The following RHOJ variants were observed in gnomAD, a reference collection of about 807,000 sequenced individuals.
RHOJ encodes ras homolog family member J, also known as rho-related GTP-binding protein RhoJ.
RHOJ carries 11 observed loss-of-function variants against 23.4 expected under a neutral mutation model. The ratio of observed to expected loss-of-function variants is 0.47; its 90% CI spans 0.30 to 0.78. The LOEUF (loss-of-function observed/expected upper bound fraction) is 0.78. Ranked by LOEUF, RHOJ falls within the 30% of genes least tolerant of loss-of-function variation. RHOJ has a pLI of 0.08. For synonymous variants in RHOJ, 102 were observed against 102.7 expected (o/e 0.99, Z 0.04); for missense variants, 254 against 273.4 (o/e 0.93, Z 0.50).
intron 1 of RHOJ, among the ~76,000 whole-genome samples, chr14:63,232,176 A>G (rs1894707902): frequency 6.6e-6 from 1 of 152,208 alleles, no homozygotes; most frequent in Non-Finnish European, 1.5e-5. Context: ...AATCATTTTC[A>G]ACTAGAGAAT....
intron 1 of RHOJ, among the ~76,000 whole-genome samples, chr14:63,232,786 T>A (rs1294941735): frequency 6.9e-6 from 1 of 145,096 alleles, no homozygotes; most frequent in Non-Finnish European, 1.5e-5. Flanking sequence ...AACCTCCATC[T>A]CCCAGGCTCA....
chr14:63,287,122 T>G (rs1882107691), intron 4 of RHOJ, among the ~76,000 whole-genome samples: 2 of 152,254 alleles, frequency 1.3e-5, no homozygotes, highest in African/African-American at 4.8e-5. Flanking sequence ...TCTTCTTCCC[T>G]TCTCTCATCA....
At chr14:63,248,409 G>C (rs1895013316) in intron 1 of RHOJ, among the ~76,000 whole-genome samples, 1 of 152,000 alleles carries the variant, frequency 6.6e-6, no homozygotes, top group Non-Finnish European at 1.5e-5. Flanking sequence ...AAAAGAATTT[G>C]CTCCCTCCCA....
intron 2 of RHOJ, among the ~76,000 whole-genome samples, chr14:63,273,831 G>A (rs1222609705): frequency 6.6e-6 from 1 of 152,200 alleles, no homozygotes; most frequent in African/African-American, 2.4e-5. Context: ...CCGTCTCCTG[G>A]TGTCAGGAGC....
chr14:63,229,408 G>C (rs1272770767), intron 1 of RHOJ, among the ~76,000 whole-genome samples: 2 of 152,296 alleles, frequency 1.3e-5, no homozygotes, highest in South Asian at 4.1e-4. Flanking sequence ...CTCTGCTTAA[G>C]GTATCATAAG....
At chr14:63,255,757 G>A (rs1895152686) in intron 1 of RHOJ, among the ~76,000 whole-genome samples, 2 of 152,168 alleles carry the variant, frequency 1.3e-5, no homozygotes, top group South Asian at 4.1e-4. Flanking sequence ...CTTAAGAAGA[G>A]GCTCTGGCCT....
At chr14:63,270,912 A>G (rs1342734740) in intron 2 of RHOJ, among the ~76,000 whole-genome samples, 1 of 152,230 alleles carries the variant, frequency 6.6e-6, no homozygotes, top group Non-Finnish European at 1.5e-5. Flanking sequence ...AACTGCCCCA[A>G]GAAAAACCTC....
intron 1 of RHOJ, among the ~76,000 whole-genome samples, chr14:63,207,181 G>A (rs143175445): frequency 2.0e-5 from 3 of 151,966 alleles, no homozygotes; most frequent in South Asian, 2.1e-4. Context: ...ACAGGCGCAC[G>A]CAACCATGCC....
intron 1 of RHOJ, among the ~76,000 whole-genome samples, chr14:63,206,972 T>C (rs1894124130): frequency 6.6e-6 from 1 of 152,054 alleles, no homozygotes; most frequent in African/African-American, 2.4e-5. Flanking sequence ...AAAAAGAGGA[T>C]GGAGACATGA....
At chr14:63,247,233 G>C (rs1283998634) in intron 1 of RHOJ, among the ~76,000 whole-genome samples, 2 of 152,132 alleles carry the variant, frequency 1.3e-5, no homozygotes, top group African/African-American at 2.4e-5. Flanking sequence ...GTAGTATGTG[G>C]GCTCTTTTGA....
intron 1 of RHOJ, among the ~76,000 whole-genome samples, chr14:63,217,903 G>A (rs1052870829): frequency 2.0e-5 from 3 of 152,122 alleles, no homozygotes; most frequent in South Asian, 2.1e-4. Context: ...ATATCTTGTC[G>A]ACACGATTAC....
intron 4 of RHOJ, among the ~76,000 whole-genome samples, chr14:63,285,380 T>G (rs1039846207): frequency 3.9e-5 from 6 of 152,220 alleles, no homozygotes; most frequent in Non-Finnish European, 7.3e-5. Flanking sequence ...CTTTTTTATA[T>G]ACTGGAGTCC....
chr14:63,250,111 T>C (rs1013830329), intron 1 of RHOJ, among the ~76,000 whole-genome samples: 2 of 152,220 alleles, frequency 1.3e-5, no homozygotes, highest in Non-Finnish European at 2.9e-5. Flanking sequence ...CCACCTGGTC[T>C]AAGCTACCAT....
chr14:63,209,953 CT>C (rs978489778), intron 1 of RHOJ, among the ~76,000 whole-genome samples: 12 of 146,978 alleles, frequency 8.2e-5, no homozygotes, highest in Middle Eastern at 3.6e-3. Flanking sequence ...TTTTTTTTTC[CT>C]TTTTTTTCTT....
At chr14:63,234,802 C>G (rs999399254) in intron 1 of RHOJ, among the ~76,000 whole-genome samples, 1 of 152,194 alleles carries the variant, frequency 6.6e-6, no homozygotes, top group Non-Finnish European at 1.5e-5. Flanking sequence ...CCACAGAGCT[C>G]CATCCGCACT....
At chr14:63,273,512 G>T (rs1895508987) in intron 2 of RHOJ, among the ~76,000 whole-genome samples, 2 of 152,238 alleles carry the variant, frequency 1.3e-5, no homozygotes, top group African/African-American at 4.8e-5. Flanking sequence ...GTGTTGGTTG[G>T]GTTGGGGACG....
At chr14:63,288,072 C>T (rs143182027) in intron 4 of RHOJ, 497 of 604,186 alleles carry the variant, frequency 8.2e-4, no homozygotes, top group African/African-American at 7.0e-3. Flanking sequence ...GTTTCTCACA[C>T]GTGTTTCCCA....
At chr14:63,211,430 A>G (rs770877398) in intron 1 of RHOJ, among the ~76,000 whole-genome samples, 1 of 152,138 alleles carries the variant, frequency 6.6e-6, no homozygotes, top group Non-Finnish European at 1.5e-5. Flanking sequence ...ATGCGACTGC[A>G]CTCCAACCTG....
intron 1 of RHOJ, among the ~76,000 whole-genome samples, chr14:63,242,563 C>G (rs923649575): frequency 1.3e-5 from 2 of 151,404 alleles, no homozygotes; most frequent in Non-Finnish European, 2.9e-5. Context: ...GATCCTGTCT[C>G]AAAAAAGAAA....
Sources: gnomAD v4.1 joint callset for allele counts (sites outside exome capture counted in the v4.1 genomes callset) on GRCh38, gnomAD v4.1.1 for gene constraint, MANE v1.5 for transcripts, NCBI Gene and HGNC (gene_info 2026-07-23, HGNC 2026-07-21) for gene names.